Variants in LRRC4C observed in about 807,000 individuals in gnomAD.
The protein encoded by LRRC4C is leucine rich repeat containing 4C, also known as leucine-rich repeat-containing protein 4C.
LRRC4C carries 5 observed loss-of-function variants against 33.6 expected under a neutral mutation model. The observed-to-expected ratio is 0.15, with a 90% CI of 0.08 to 0.31. The LOEUF (loss-of-function observed/expected upper bound fraction) is 0.31. LRRC4C is among the 10% of genes least tolerant of loss of function. The pLI is 1.00. For missense variants in LRRC4C, 560 were observed against 796.7 expected, an observed-to-expected ratio of 0.70 and a Z score of 3.58; for synonymous variants, 329 against 302.0, an observed-to-expected ratio of 1.09 and a Z score of -0.93.
intron 3 of LRRC4C, among the ~76,000 whole-genome samples, chr11:40,356,774 T>C (rs1947690647): frequency 6.6e-6 from 1 of 152,140 alleles, no homozygotes. Context: ...GAAGAAACCA[T>C]ACTAATATAC....
intron 2 of LRRC4C, among the ~76,000 whole-genome samples, chr11:40,816,925 C>T (rs919620571): frequency 6.6e-6 from 1 of 152,096 alleles, no homozygotes; most frequent in African/African-American, 2.4e-5. Flanking sequence ...GTGGTCCTAT[C>T]ACAATAGATA....
intron 1 of LRRC4C, among the ~76,000 whole-genome samples, chr11:41,242,989 A>C (rs1948312635): frequency 6.6e-6 from 1 of 152,214 alleles, no homozygotes; most frequent in Non-Finnish European, 1.5e-5. Context: ...AAAGGAAAAA[A>C]ATTCTATCCC....
At chr11:40,579,304 C>A (rs1360340871) in intron 3 of LRRC4C, among the ~76,000 whole-genome samples, 10 of 146,560 alleles carry the variant, frequency 6.8e-5, no homozygotes, top group Non-Finnish European at 1.3e-4. Context: ...CCGGTATGGG[C>A]AACAGAGTGA....
At chr11:40,974,664 G>A (rs1851957451) in intron 1 of LRRC4C, among the ~76,000 whole-genome samples, 1 of 152,200 alleles carries the variant, frequency 6.6e-6, no homozygotes. Context: ...ATTACACTTA[G>A]GTGTGTCTGA....
intron 2 of LRRC4C, among the ~76,000 whole-genome samples, chr11:40,790,156 ATTTCG>A (rs1463862492): frequency 1.3e-5 from 2 of 152,206 alleles, no homozygotes; most frequent in Non-Finnish European, 2.9e-5. Flanking sequence ...CACAGAAAAT[ATTTCG>A]TAAGTGGATT....
At chr11:41,385,407 T>C (rs1953321294) in intron 1 of LRRC4C, among the ~76,000 whole-genome samples, 1 of 151,548 alleles carries the variant, frequency 6.6e-6, no homozygotes, top group Admixed American at 6.6e-5. Flanking sequence ...TTCAAATGCT[T>C]GGTGTGATAC....
chr11:40,752,965 G>A (rs892301496), intron 2 of LRRC4C, among the ~76,000 whole-genome samples: 4 of 152,052 alleles, frequency 2.6e-5, no homozygotes, highest in African/African-American at 4.8e-5. Context: ...TTATTTTATT[G>A]GCAGTAACAT....
intron 1 of LRRC4C, among the ~76,000 whole-genome samples, chr11:41,424,374 G>T (rs1411631215): frequency 6.6e-6 from 1 of 152,016 alleles, no homozygotes; most frequent in Non-Finnish European, 1.5e-5. Context: ...GAACCACTAG[G>T]TTTATATTAC....
chr11:41,218,139 C>CA (rs57736277), intron 1 of LRRC4C, among the ~76,000 whole-genome samples: 14 of 142,708 alleles, frequency 9.8e-5, no homozygotes, highest in Admixed American at 2.1e-4. Context: ...TCAAGGTCAC[C>CA]AAAAAAAAAA....
At chr11:40,642,996 A>G (rs746390305) in intron 3 of LRRC4C, among the ~76,000 whole-genome samples, 5 of 152,206 alleles carry the variant, frequency 3.3e-5, no homozygotes, top group Non-Finnish European at 7.3e-5. Flanking sequence ...AATCCCAGAT[A>G]TTATATTGGA....
chr11:40,501,428 C>A (rs1402823106), intron 3 of LRRC4C, among the ~76,000 whole-genome samples: 4 of 152,206 alleles, frequency 2.6e-5, no homozygotes, highest in Non-Finnish European at 4.4e-5. Flanking sequence ...AGTGCCTTGT[C>A]CCTGCAGCAA....
intron 1 of LRRC4C, among the ~76,000 whole-genome samples, chr11:41,417,465 A>G (rs1225911301): frequency 6.6e-6 from 1 of 152,030 alleles, no homozygotes; most frequent in Non-Finnish European, 1.5e-5. Flanking sequence ...CATGCCTCAG[A>G]TTACATGTAG....
chr11:41,412,385 T>C (rs1414459344), intron 1 of LRRC4C, among the ~76,000 whole-genome samples: 1 of 152,224 alleles, frequency 6.6e-6, no homozygotes, highest in Non-Finnish European at 1.5e-5. Flanking sequence ...TTTTATCAAT[T>C]AACTTATGGT....
intron 6 of LRRC4C, among the ~76,000 whole-genome samples, chr11:40,127,090 A>G (rs1338041829): frequency 6.6e-6 from 1 of 152,028 alleles, no homozygotes; most frequent in Admixed American, 6.6e-5. Flanking sequence ...CATCCTGGTG[A>G]ACATGGTGAA....
At chr11:40,945,112 C>T (rs1958337401) in intron 1 of LRRC4C, among the ~76,000 whole-genome samples, 1 of 149,304 alleles carries the variant, frequency 6.7e-6, no homozygotes, top group Non-Finnish European at 1.5e-5. Flanking sequence ...ACTGCAAGCT[C>T]TGCCTCCCGG....
At chr11:41,182,866 T>G (rs373678865) in intron 1 of LRRC4C, among the ~76,000 whole-genome samples, 47 of 143,688 alleles carry the variant, frequency 3.3e-4, no homozygotes, top group African/African-American at 9.0e-4. Context: ...AAAAAAAAGG[T>G]TTAATGTACT....
chr11:41,231,137 G>T (rs546108070), intron 1 of LRRC4C, among the ~76,000 whole-genome samples: 431 of 152,214 alleles, frequency 2.8e-3, no homozygotes, highest in Non-Finnish European at 4.9e-3. Context: ...AGGATGTGGA[G>T]AAATAGGAAC....
At chr11:40,618,267 G>GT (rs200412273) in intron 3 of LRRC4C, among the ~76,000 whole-genome samples, 30,960 of 142,340 alleles carry the variant, frequency 0.22, 3,846 homozygotes, top group Middle Eastern at 0.34. Context: ...ACAGCACCCA[G>GT]GAAAGACAGC....
chr11:40,484,107 T>C (rs182318964), intron 3 of LRRC4C, among the ~76,000 whole-genome samples: 52 of 152,234 alleles, frequency 3.4e-4, no homozygotes, highest in Non-Finnish European at 2.4e-4. Flanking sequence ...TTCTCATTTA[T>C]ACCTGGTAGA....
Sources: gnomAD v4.1 joint callset for allele counts (sites outside exome capture counted in the v4.1 genomes callset) on GRCh38, gnomAD v4.1.1 for gene constraint, MANE v1.5 for transcripts, NCBI Gene and HGNC (gene_info 2026-07-23, HGNC 2026-07-21) for gene names.